The following EPHA6 variants were observed in gnomAD, a reference collection of about 807,000 sequenced individuals.
EPHA6 encodes the protein ephrin type-A receptor 6.
In EPHA6, 50 loss-of-function variants were observed where a neutral mutation model predicts 112.0. That is an observed-to-expected ratio of 0.45 (90% CI 0.36 to 0.56). The LOEUF is 0.56. Among genes scored for constraint, EPHA6 ranks in the 20% least tolerant of loss-of-function variants. The pLI is 0.00. For missense variants in EPHA6, 1,280 were observed against 1,417.4 expected (o/e 0.90, Z 1.56); for synonymous variants, 529 against 490.7 (o/e 1.08, Z -1.03).
intron 3 of EPHA6, among the ~76,000 whole-genome samples, chr3:97,115,587 G>A (rs2047862354): frequency 6.6e-6 from 1 of 151,862 alleles, no homozygotes; most frequent in African/African-American, 2.4e-5. Flanking sequence ...AAATATGGAG[G>A]CTTCAGCTCC....
intron 11 of EPHA6, among the ~76,000 whole-genome samples, chr3:97,575,682 G>A (rs1477190249): frequency 1.3e-5 from 2 of 152,076 alleles, no homozygotes; most frequent in Non-Finnish European, 2.9e-5. Flanking sequence ...TTAAATCTGT[G>A]GGGAGCCTTT....
At chr3:97,323,851 CAG>C (rs1457922293) in intron 5 of EPHA6, among the ~76,000 whole-genome samples, 4 of 151,794 alleles carry the variant, frequency 2.6e-5, no homozygotes, top group African/African-American at 9.7e-5. Context: ...AAAGCTGAAA[CAG>C]AGCTGAGAAA....
intron 2 of EPHA6, among the ~76,000 whole-genome samples, chr3:96,950,959 C>A (rs1335709785): frequency 6.6e-6 from 1 of 151,520 alleles, no homozygotes; most frequent in African/African-American, 2.4e-5. Context: ...TATTCTTTTT[C>A]TGTTTATTGT....
chr3:96,815,037 G>T (rs777442407), intron 1 of EPHA6, 29 bp downstream of exon 1: 1 of 1,477,678 alleles, frequency 6.8e-7, no homozygotes, highest in Admixed American at 2.3e-5. Flanking sequence ...GAGCGGGAGT[G>T]GGTGGGAGGA....
chr3:97,735,630 T>G (rs1452507475), intron 15 of EPHA6, among the ~76,000 whole-genome samples: 2 of 152,040 alleles, frequency 1.3e-5, no homozygotes, highest in Non-Finnish European at 2.9e-5. Flanking sequence ...TTTTGAGATG[T>G]TCCAGCTAAG....
chr3:97,653,630 T>A (rs1039219600), intron 14 of EPHA6, among the ~76,000 whole-genome samples: 2 of 151,960 alleles, frequency 1.3e-5, no homozygotes, highest in Admixed American at 1.3e-4. Flanking sequence ...AATTACCATA[T>A]GATTCAGCAA....
chr3:97,098,699 T>C (rs1282072066), intron 3 of EPHA6, among the ~76,000 whole-genome samples: 1 of 151,916 alleles, frequency 6.6e-6, no homozygotes, highest in African/African-American at 2.4e-5. Flanking sequence ...TAACACTTTT[T>C]GTTATGAATC....
At chr3:97,387,593 G>A (rs926893610) in intron 5 of EPHA6, among the ~76,000 whole-genome samples, 5 of 152,044 alleles carry the variant, frequency 3.3e-5, no homozygotes, top group Non-Finnish European at 5.9e-5. Flanking sequence ...ATCACTATCA[G>A]CATTTTGGTC....
At chr3:97,518,361 T>G (rs1405381768) in intron 10 of EPHA6, among the ~76,000 whole-genome samples, 3 of 152,138 alleles carry the variant, frequency 2.0e-5, no homozygotes, top group Admixed American at 2.0e-4. Context: ...TATTCATATA[T>G]CTACTGCCAT....
chr3:96,991,410 A>C (rs1452689658), intron 3 of EPHA6, among the ~76,000 whole-genome samples: 2 of 152,160 alleles, frequency 1.3e-5, no homozygotes, highest in African/African-American at 4.8e-5. Flanking sequence ...AATGTCCAAG[A>C]TAGCCCCTCA....
chr3:97,445,943 G>A (rs2090329570), intron 6 of EPHA6, among the ~76,000 whole-genome samples: 1 of 151,976 alleles, frequency 6.6e-6, no homozygotes, highest in East Asian at 1.9e-4. Flanking sequence ...AGAAAAGCAC[G>A]CCAACATACC....
intron 9 of EPHA6, chr3:97,481,211 A>G: frequency 1.6e-6 from 2 of 1,237,744 alleles, no homozygotes; most frequent in South Asian, 1.2e-5. Flanking sequence ...GGAAAAGACA[A>G]CCTTTTTCTC....
rs551168562 is a variant in EPHA6, at chr3:97,550,415, C to CT, written c.2386+17880dup. 8.9e-4 allele frequency among the ~76,000 whole-genome samples: 135 copies of CT among 152,160 alleles called. 1 individual carries two copies. The highest frequency in any genetic ancestry group is 2.6e-3 in the African/African-American group (108 of 41,518). ...ATTGTTGATAATGCTCCCACACATC[C>CT]TTTTTTTTATTTGTGATCTTCATCC... is the stretch of plus-strand genomic sequence containing the variant. On this transcript the variant is annotated intron_variant, in intron 11 of 17. Coordinates refer to ENST00000389672, the MANE Select transcript of EPHA6 (RefSeq NM_001080448.3).
At chr3:97,505,346 C>G (rs569779643) in intron 10 of EPHA6, among the ~76,000 whole-genome samples, 26 of 152,004 alleles carry the variant, frequency 1.7e-4, no homozygotes, top group African/African-American at 4.1e-4. Context: ...CCTAGCCCCC[C>G]ACCCCCGACA....
chr3:96,907,391 G>T (rs1192983631), intron 2 of EPHA6, among the ~76,000 whole-genome samples: 1 of 151,478 alleles, frequency 6.6e-6, no homozygotes, highest in Non-Finnish European at 1.5e-5. Context: ...TATGATTATA[G>T]AAAACTTAAA....
intron 2 of EPHA6, among the ~76,000 whole-genome samples, chr3:96,896,874 G>C (rs2038299281): frequency 6.6e-6 from 1 of 152,052 alleles, no homozygotes; most frequent in South Asian, 2.1e-4. Flanking sequence ...TAAGCCATCT[G>C]TTTAAATTTT....
intron 5 of EPHA6, among the ~76,000 whole-genome samples, chr3:97,385,441 A>G (rs1288665482): frequency 6.6e-6 from 1 of 152,190 alleles, no homozygotes; most frequent in East Asian, 1.9e-4. Context: ...GAATAAAAGG[A>G]CATAGTATGT....
chr3:97,019,696 T>C (rs2044385112), intron 3 of EPHA6, among the ~76,000 whole-genome samples: 1 of 152,212 alleles, frequency 6.6e-6, no homozygotes. Flanking sequence ...CTCTGTTATA[T>C]CTCTGTGGCC....
chr3:97,237,483 G>A (rs570488058), intron 4 of EPHA6, among the ~76,000 whole-genome samples: 5 of 152,060 alleles, frequency 3.3e-5, no homozygotes, highest in African/African-American at 1.2e-4. Context: ...TTCTGCTGAT[G>A]TTGGAGAATC....
Sources: allele counts gnomAD v4.1 joint callset (sites outside exome capture counted in the v4.1 genomes callset), GRCh38; gene constraint gnomAD v4.1.1; transcripts MANE v1.5; gene names NCBI Gene and HGNC (gene_info 2026-07-23, HGNC 2026-07-21).